Variants in PCDH15 observed in about 807,000 individuals in gnomAD.
PCDH15 encodes protocadherin related 15.
A neutral mutation model predicts 178.5 loss-of-function variants in PCDH15; 129 were observed. The observed-to-expected ratio is 0.72, with a 90% CI of 0.63 to 0.84. The LOEUF is 0.84. Among genes scored for constraint, PCDH15 ranks in the 40% least tolerant of loss-of-function variants. The pLI is 0.00. For missense variants in PCDH15, 2,230 were observed against 2,099.9 expected, an observed-to-expected ratio of 1.06 and a Z score of -1.21; for synonymous variants, 800 against 732.0, an observed-to-expected ratio of 1.09 and a Z score of -1.50.
chr10:55,046,039 G>A (rs1027791088), intron 2 of PCDH15, among the ~76,000 whole-genome samples: 1 of 152,042 alleles, frequency 6.6e-6, no homozygotes, highest in Non-Finnish European at 1.5e-5. Context: ...TGAAATTCTT[G>A]TTGACAAATT....
intron 18 of PCDH15, among the ~76,000 whole-genome samples, chr10:54,025,756 C>T (rs1047360676): frequency 7.2e-5 from 11 of 152,130 alleles, no homozygotes; most frequent in Non-Finnish European, 1.5e-4. Context: ...CTCGGCCTCC[C>T]AAAGTGCTGG....
chr10:55,018,415 C>A (rs946896500), intron 2 of PCDH15, among the ~76,000 whole-genome samples: 1 of 151,992 alleles, frequency 6.6e-6, no homozygotes, highest in Non-Finnish European at 1.5e-5. Context: ...TTTTTAATAC[C>A]TAATACAATG....
intron 17 of PCDH15, among the ~76,000 whole-genome samples, chr10:54,073,129 ATGTG>A (rs568466718): frequency 6.5e-4 from 99 of 151,980 alleles, no homozygotes; most frequent in African/African-American, 2.1e-3. Flanking sequence ...TTATATATGT[ATGTG>A]TGTATGTATG....
chr10:54,694,021 CTT>C (rs1370226799), intron 1 of PCDH15, among the ~76,000 whole-genome samples: 1 of 152,066 alleles, frequency 6.6e-6, no homozygotes, highest in Non-Finnish European at 1.5e-5. Flanking sequence ...CTTAAACTCT[CTT>C]GTTTGAAGTT....
intron 2 of PCDH15, among the ~76,000 whole-genome samples, chr10:54,639,078 A>T (rs2093930923): frequency 6.6e-6 from 1 of 152,150 alleles, no homozygotes; most frequent in African/African-American, 2.4e-5. Context: ...TGTATCCCGT[A>T]AAAAGGACGT....
intron 9 of PCDH15, among the ~76,000 whole-genome samples, chr10:54,225,383 A>T (rs1314061218): frequency 1.3e-5 from 2 of 152,204 alleles, no homozygotes; most frequent in Non-Finnish European, 2.9e-5. Context: ...GACTACGTAG[A>T]TTCAAATCCC....
chr10:55,059,345 A>G (rs1409010844), intron 2 of PCDH15, among the ~76,000 whole-genome samples: 1 of 152,198 alleles, frequency 6.6e-6, no homozygotes, highest in Non-Finnish European at 1.5e-5. Flanking sequence ...GCTCAAAGAC[A>G]ATCCATATTT....
chr10:55,104,384 C>T (rs1272169342), intron 2 of PCDH15, among the ~76,000 whole-genome samples: 1 of 152,104 alleles, frequency 6.6e-6, no homozygotes, highest in Non-Finnish European at 1.5e-5. Flanking sequence ...TATGAAAGCA[C>T]ACTTTGCCAG....
intron 2 of PCDH15, among the ~76,000 whole-genome samples, chr10:55,538,595 TTCCTTCCTTTCC>T (rs1279235979): frequency 1.5e-5 from 1 of 66,616 alleles, no homozygotes; most frequent in African/African-American, 6.8e-5. Flanking sequence ...CCTTCCTTCC[TTCCTTCCTTTCC>T]TTCCTTCCTT....
At chr10:54,225,201 A>G (rs1224674815) in intron 9 of PCDH15, among the ~76,000 whole-genome samples, 2 of 152,144 alleles carry the variant, frequency 1.3e-5, no homozygotes, top group Non-Finnish European at 2.9e-5. Context: ...AAGCTCTGAA[A>G]AGGGAGGTCA....
chr10:54,348,139 C>T (rs548241596), intron 5 of PCDH15, among the ~76,000 whole-genome samples: 86 of 152,202 alleles, frequency 5.7e-4, no homozygotes, highest in Middle Eastern at 3.4e-3. Flanking sequence ...TGAGCCACCG[C>T]GCCCGGCTGA....
chr10:55,603,736 T>C (rs1391647168), intron 2 of PCDH15, among the ~76,000 whole-genome samples: 2 of 148,244 alleles, frequency 1.3e-5, no homozygotes, highest in African/African-American at 2.5e-5. Flanking sequence ...AAAGAGCTCC[T>C]GAAGGAAGCG....
intron 1 of PCDH15, among the ~76,000 whole-genome samples, chr10:55,299,688 A>G (rs1433687999): frequency 2.6e-5 from 4 of 152,166 alleles, no homozygotes; most frequent in Non-Finnish European, 1.5e-5. Context: ...CATAAAGAAG[A>G]CCTTGATCCA....
intron 18 of PCDH15, among the ~76,000 whole-genome samples, chr10:54,066,361 C>T (rs1158123405): frequency 1.3e-5 from 2 of 152,008 alleles, no homozygotes; most frequent in South Asian, 2.1e-4. Context: ...TAGAAACACA[C>T]GGTAGACTCT....
At chr10:55,099,904 CA>C (rs1226470885) in intron 2 of PCDH15, among the ~76,000 whole-genome samples, 2 of 151,926 alleles carry the variant, frequency 1.3e-5, no homozygotes, top group Admixed American at 1.3e-4. Flanking sequence ...ATAAAACAAA[CA>C]GAAGAGATAA....
At chr10:55,513,285 A>C (rs745687760) in intron 2 of PCDH15, 7 of 152,120 alleles carry the variant, frequency 4.6e-5, no homozygotes, top group Non-Finnish European at 8.8e-5. Flanking sequence ...TGCCTCATTG[A>C]TGACATCAAA....
At chr10:54,620,639 A>G (rs2093323988) in intron 2 of PCDH15, among the ~76,000 whole-genome samples, 1 of 152,092 alleles carries the variant, frequency 6.6e-6, no homozygotes, top group South Asian at 2.1e-4. Flanking sequence ...GATAGATACC[A>G]CTGAGAAAGT....
chr10:54,607,881 G>A (rs370656833), intron 2 of PCDH15: 6 of 528,752 alleles, frequency 1.1e-5, no homozygotes, highest in Non-Finnish European at 2.3e-5. Context: ...AGGCTATTAG[G>A]TTGGTCCAAA....
chr10:55,593,101 G>A (rs1842874830), intron 2 of PCDH15, among the ~76,000 whole-genome samples: 2 of 151,906 alleles, frequency 1.3e-5, no homozygotes, highest in Non-Finnish European at 2.9e-5. Flanking sequence ...CTTTATAATT[G>A]CTAGTTATGG....
Sources: allele counts gnomAD v4.1 joint callset (sites outside exome capture counted in the v4.1 genomes callset), GRCh38; gene constraint gnomAD v4.1.1; transcripts MANE v1.5; gene names NCBI Gene and HGNC (gene_info 2026-07-23, HGNC 2026-07-21).